Variants in ASTN2 observed in about 807,000 individuals in gnomAD.
ASTN2 encodes astrotactin-2.
A neutral mutation model predicts 139.8 loss-of-function variants in ASTN2; 54 were observed. The ratio of observed to expected loss-of-function variants is 0.39; its 90% CI spans 0.31 to 0.48. The LOEUF is 0.48. Ranked by LOEUF, ASTN2 falls within the 20% of genes least tolerant of loss-of-function variation. The pLI is 0.95. For synonymous variants in ASTN2, 756 were observed against 719.5 expected (o/e 1.05, Z -0.81); for missense variants, 1,565 against 1,725.1 (o/e 0.91, Z 1.64).
intron 10 of ASTN2, among the ~76,000 whole-genome samples, chr9:116,881,207 G>A (rs974209833): frequency 1.3e-5 from 2 of 152,200 alleles, no homozygotes; most frequent in African/African-American, 4.8e-5. Context: ...ATGGGTGGGA[G>A]AAAAGGGAGC....
intron 5 of ASTN2, among the ~76,000 whole-genome samples, chr9:117,093,127 G>A (rs759117542): frequency 5.3e-5 from 8 of 152,058 alleles, no homozygotes; most frequent in Admixed American, 2.0e-4. Flanking sequence ...AGATCCACCC[G>A]TCCACTCTCC....
intron 3 of ASTN2, among the ~76,000 whole-genome samples, chr9:117,178,668 G>A (rs946057284): frequency 2.6e-5 from 4 of 152,216 alleles, no homozygotes; most frequent in African/African-American, 9.6e-5. Flanking sequence ...ATTCTGGCCT[G>A]CCTATCCTGG....
rs752658890 is a variant in ASTN2, at chr9:116,487,536, C to T, written c.3356-36G>A. ...AAAAAGAAAGATGAGCTCCCCAGCT[C>T]AGGCCATAGTGAGGAGACGTTTTTG... On this transcript the variant is annotated intron_variant, in intron 19 of 22. Transcript: ENST00000313400. 3.7e-6 allele frequency: 6 copies of T among 1,604,674 alleles called. No homozygotes were observed. The South Asian group carries it at 5.6e-5, about 15-fold the overall frequency.
chr9:116,773,948 A>T (rs1830017305), intron 13 of ASTN2, among the ~76,000 whole-genome samples: 1 of 152,122 alleles, frequency 6.6e-6, no homozygotes, highest in African/African-American at 2.4e-5. Context: ...TTTAAGAGAG[A>T]GGTTACTGTC....
chr9:117,272,184 G>C (rs1043276943), intron 2 of ASTN2, among the ~76,000 whole-genome samples: 1 of 152,230 alleles, frequency 6.6e-6, no homozygotes, highest in Non-Finnish European at 1.5e-5. Context: ...CTGTGCACCT[G>C]CAGGCTAAAC....
At chr9:116,974,130 G>A (rs1471945154) in intron 10 of ASTN2, among the ~76,000 whole-genome samples, 1 of 152,162 alleles carries the variant, frequency 6.6e-6, no homozygotes, top group Non-Finnish European at 1.5e-5. Flanking sequence ...ATCAGTTTTA[G>A]AAGTAAAACT....
chr9:116,424,852 G>C lies in ASTN2; in HGVS notation c.*999C>G, dbSNP rs1276369964. ...GATCCACCTGCCCTGGCCTCCCAAA[G>C]TGCTAGGATTACAGGCATGAGCCAC... On this transcript the variant is annotated 3_prime_UTR_variant, in exon 23 of 23. Transcript: ENST00000313400. Among the ~76,000 whole-genome samples, 1 of 152,100 alleles carries C rather than the reference G, an allele frequency of 6.6e-6. No homozygotes were observed. The highest frequency in any genetic ancestry group is 1.5e-5 in the Non-Finnish European group (1 of 68,016).
intron 13 of ASTN2, among the ~76,000 whole-genome samples, chr9:116,772,676 T>A (rs1022089663): frequency 6.6e-6 from 1 of 152,172 alleles, no homozygotes; most frequent in African/African-American, 2.4e-5. Context: ...TGGGTTACAA[T>A]GATCACTGAG....
At chr9:117,355,597 G>C (rs982119739) in intron 1 of ASTN2, among the ~76,000 whole-genome samples, 1 of 152,180 alleles carries the variant, frequency 6.6e-6, no homozygotes, top group Admixed American at 6.5e-5. Flanking sequence ...GGGCTGCCAG[G>C]ACAGAAAAGC....
chr9:116,807,713 A>G (rs571028172), intron 12 of ASTN2, among the ~76,000 whole-genome samples: 1 of 152,290 alleles, frequency 6.6e-6, no homozygotes, highest in African/African-American at 2.4e-5. Flanking sequence ...TACTGGGTAC[A>G]CTGGCTAGAG....
At chr9:116,958,362 G>A (rs938786800) in intron 10 of ASTN2, among the ~76,000 whole-genome samples, 1 of 152,108 alleles carries the variant, frequency 6.6e-6, no homozygotes, top group African/African-American at 2.4e-5. Context: ...AGGCCGAGGT[G>A]GGCAGATCAC....
At chr9:117,008,628 G>C (rs1203708997) in intron 6 of ASTN2, among the ~76,000 whole-genome samples, 1 of 152,080 alleles carries the variant, frequency 6.6e-6, no homozygotes, top group Admixed American at 6.5e-5. Context: ...AGTTGATAGG[G>C]GAATGAAATA....
At chr9:116,577,108 G>A (rs1853753921) in intron 19 of ASTN2, among the ~76,000 whole-genome samples, 1 of 152,204 alleles carries the variant, frequency 6.6e-6, no homozygotes, top group South Asian at 2.1e-4. Context: ...CTGAGGCTCA[G>A]ACTAATTCAT....
chr9:116,854,624 T>G (rs1262822170), intron 11 of ASTN2, among the ~76,000 whole-genome samples: 1 of 150,508 alleles, frequency 6.6e-6, no homozygotes, highest in Non-Finnish European at 1.5e-5. Context: ...TTCCATTTCC[T>G]GCCTCCAATT....
intron 2 of ASTN2, among the ~76,000 whole-genome samples, chr9:117,283,018 T>G (rs538892018): frequency 6.6e-6 from 1 of 152,098 alleles, no homozygotes; most frequent in East Asian, 1.9e-4. Flanking sequence ...GCTAAATGGT[T>G]TTATGTGCAT....
intron 11 of ASTN2, among the ~76,000 whole-genome samples, chr9:116,833,183 T>G (rs1404670980): frequency 1.3e-5 from 2 of 152,140 alleles, no homozygotes; most frequent in Admixed American, 1.3e-4. Flanking sequence ...TCATCAAGTT[T>G]ATGTGTGTAA....
intron 20 of ASTN2, among the ~76,000 whole-genome samples, chr9:116,483,301 TTC>T (rs1849232473): frequency 1.3e-5 from 2 of 152,356 alleles, no homozygotes; most frequent in South Asian, 4.1e-4. Flanking sequence ...GTGCTGATGT[TTC>T]TGTTTTGTTA....
intron 2 of ASTN2, among the ~76,000 whole-genome samples, chr9:117,227,566 A>G (rs944722897): frequency 1.3e-5 from 2 of 152,192 alleles, no homozygotes; most frequent in African/African-American, 4.8e-5. Context: ...GTAGCTCCTC[A>G]AGGACAATAA....
At chr9:116,948,810 T>TTTTTTGG (rs1835477537) in intron 10 of ASTN2, among the ~76,000 whole-genome samples, 1 of 102,584 alleles carries the variant, frequency 9.7e-6, no homozygotes, top group Non-Finnish European at 2.2e-5. Context: ...TTTTTTTTTT[T>TTTTTTGG]GAGAAGGAGT....
Sources: gnomAD v4.1 joint callset for allele counts (sites outside exome capture counted in the v4.1 genomes callset) on GRCh38, gnomAD v4.1.1 for gene constraint, MANE v1.5 for transcripts, NCBI Gene and HGNC (gene_info 2026-07-23, HGNC 2026-07-21) for gene names.